CSMD1: variants seen among roughly 807,000 people sequenced by gnomAD.
The protein encoded by CSMD1 is CUB and sushi domain-containing protein 1.
A neutral mutation model predicts 417.5 loss-of-function variants in CSMD1; 213 were observed. The ratio of observed to expected loss-of-function variants is 0.51; its 90% confidence interval spans 0.46 to 0.57. The LOEUF is 0.57. Among genes scored for constraint, CSMD1 ranks in the 20% least tolerant of loss-of-function variants. The probability of loss-of-function intolerance (pLI) is 0.00; values close to 1 mark genes in which losing one functional copy is unlikely to be tolerated. For synonymous variants in CSMD1, 2,862 were observed against 1,736.8 expected, an observed-to-expected ratio of 1.65 and a Z score of -16.11; for missense variants, 6,923 against 4,529.7, an observed-to-expected ratio of 1.53 and a Z score of -15.17.
At chr8:3,883,292 T>A (rs1806327635) in intron 5 of CSMD1, among the ~76,000 whole-genome samples, 1 of 152,174 alleles carries the variant, frequency 6.6e-6, no homozygotes, top group African/African-American at 2.4e-5. Context: ...ACATGTTTAC[T>A]GTGAGAACTG....
intron 7 of CSMD1, among the ~76,000 whole-genome samples, chr8:3,618,145 G>A (rs1802236747): frequency 1.3e-5 from 2 of 151,928 alleles, no homozygotes. Context: ...GGTAACACAG[G>A]CTTGTGCCAC....
chr8:3,438,791 G>A (rs959174089), intron 12 of CSMD1, among the ~76,000 whole-genome samples: 16 of 151,878 alleles, frequency 1.1e-4, no homozygotes, highest in African/African-American at 3.6e-4. Flanking sequence ...GCAATTGTCG[G>A]GTCATATGAT....
chr8:3,914,846 C>T (rs761216345), intron 5 of CSMD1, among the ~76,000 whole-genome samples: 1 of 152,088 alleles, frequency 6.6e-6, no homozygotes, highest in African/African-American at 2.4e-5. Flanking sequence ...AATGCAAATA[C>T]TTCCAAGGCA....
At chr8:4,174,750 A>AGGGATGTGAGGAAGAGGGATGTGAGG (rs1439810956) in intron 3 of CSMD1, among the ~76,000 whole-genome samples, 24 of 504 alleles carry the variant, frequency 0.048, 11 homozygotes, top group Non-Finnish European at 0.063. Flanking sequence ...TGTGAGGAAG[A>AGGGATGTGAGGAAGAGGGATGTGAGG]GGGATGTGAG....
chr8:3,431,291 T>C (rs987011590), intron 12 of CSMD1, among the ~76,000 whole-genome samples: 1 of 152,128 alleles, frequency 6.6e-6, no homozygotes, highest in Admixed American at 6.6e-5. Flanking sequence ...GGGCCATCAC[T>C]AATCTTGTCT....
At chr8:3,988,459 C>A (rs543942772) in intron 5 of CSMD1, among the ~76,000 whole-genome samples, 1 of 152,196 alleles carries the variant, frequency 6.6e-6, no homozygotes, top group South Asian at 2.1e-4. Context: ...ACACCCTAAC[C>A]TCTCACAGCT....
At chr8:4,658,802 G>C (rs2130914478) in intron 1 of CSMD1, among the ~76,000 whole-genome samples, 1 of 152,190 alleles carries the variant, frequency 6.6e-6, no homozygotes, top group African/African-American at 2.4e-5. Context: ...ACACATCTGG[G>C]TTAATGGTAA....
intron 3 of CSMD1, among the ~76,000 whole-genome samples, chr8:4,384,294 G>C (rs1188340689): frequency 6.6e-6 from 1 of 152,032 alleles, no homozygotes; most frequent in Middle Eastern, 3.4e-3. Flanking sequence ...AGCCAATTAA[G>C]ATCCATAAAG....
At chr8:3,808,057 C>T (rs1191364839) in intron 5 of CSMD1, among the ~76,000 whole-genome samples, 1 of 152,118 alleles carries the variant, frequency 6.6e-6, no homozygotes, top group Admixed American at 6.6e-5. Context: ...ACAGAAGTTA[C>T]AGCAGTGGCT....
At chr8:4,156,826 A>G (rs1247023109) in intron 3 of CSMD1, among the ~76,000 whole-genome samples, 1 of 152,010 alleles carries the variant, frequency 6.6e-6, no homozygotes, top group African/African-American at 2.4e-5. Flanking sequence ...AGCAAGTACT[A>G]TGAACACAAT....
chr8:3,892,771 T>C (rs1807071179), intron 5 of CSMD1, among the ~76,000 whole-genome samples: 1 of 142,516 alleles, frequency 7.0e-6, no homozygotes. Context: ...TTGCTAGCCA[T>C]CGTAGGACAA....
At chr8:4,011,191 T>C (rs1585128174) in intron 4 of CSMD1, among the ~76,000 whole-genome samples, 2 of 152,208 alleles carry the variant, frequency 1.3e-5, no homozygotes, top group South Asian at 4.1e-4. Context: ...TTCTACCTAG[T>C]GGGTACACCT....
intron 12 of CSMD1, among the ~76,000 whole-genome samples, chr8:3,463,281 C>A (rs1563063231): frequency 6.6e-6 from 1 of 152,184 alleles, no homozygotes. Flanking sequence ...CTACACAAGT[C>A]ACCAACTCAG....
At chr8:4,082,606 GTTTTA>G (rs75736708) in intron 3 of CSMD1, among the ~76,000 whole-genome samples, 28,537 of 151,464 alleles carry the variant, frequency 0.19, 2,757 homozygotes, top group South Asian at 0.34. Flanking sequence ...TTCTTTTTTC[GTTTTA>G]TTTTATTTTA....
At chr8:4,593,680 T>C (rs776144348) in intron 2 of CSMD1, among the ~76,000 whole-genome samples, 28 of 152,200 alleles carry the variant, frequency 1.8e-4, no homozygotes, top group Non-Finnish European at 3.5e-4. Context: ...TATTAGTTAC[T>C]ACTTCCATGT....
intron 3 of CSMD1, among the ~76,000 whole-genome samples, chr8:4,086,830 G>T (rs182242881): frequency 6.6e-6 from 1 of 152,160 alleles, no homozygotes; most frequent in African/African-American, 2.4e-5. Context: ...AACTTTGCAT[G>T]CATCCTTGTC....
intron 3 of CSMD1, among the ~76,000 whole-genome samples, chr8:4,049,676 T>C (rs1297212116): frequency 9.9e-5 from 15 of 152,176 alleles, no homozygotes; most frequent in South Asian, 6.2e-4. Context: ...TAGGTATAGA[T>C]ATTTTTATGA....
chr8:3,616,102 T>C (rs1027650737), intron 8 of CSMD1, among the ~76,000 whole-genome samples: 5 of 152,210 alleles, frequency 3.3e-5, no homozygotes, highest in Admixed American at 6.5e-5. Context: ...TTAAATATTT[T>C]ACCTTCTATC....
chr8:4,129,619 G>C (rs1223673397), intron 3 of CSMD1, among the ~76,000 whole-genome samples: 1 of 151,894 alleles, frequency 6.6e-6, no homozygotes, highest in African/African-American at 2.4e-5. Flanking sequence ...ACTCTGACTT[G>C]TTTCCTCTCT....
Sources: allele counts gnomAD v4.1 joint callset (sites outside exome capture counted in the v4.1 genomes callset), GRCh38; gene constraint gnomAD v4.1.1; transcripts MANE v1.5; gene names NCBI Gene and HGNC (gene_info 2026-07-23, HGNC 2026-07-21).